The following GREM2 variants were observed in gnomAD, a reference collection of about 807,000 sequenced individuals.
The protein encoded by GREM2 is gremlin 2, DAN family BMP antagonist.
A neutral mutation model predicts 14.2 loss-of-function variants in GREM2; 11 were observed. That is an observed-to-expected ratio of 0.78 (90% CI 0.49 to 1.28). GREM2 has a LOEUF of 1.28. Among genes scored for constraint, GREM2 ranks in the 50% most tolerant of loss-of-function variants. The probability of loss-of-function intolerance (pLI) is 0.00; values close to 1 mark genes in which losing one functional copy is unlikely to be tolerated. For missense variants in GREM2, 210 were observed against 218.5 expected, an observed-to-expected ratio of 0.96 and a Z score of 0.24; for synonymous variants, 98 against 97.6, an observed-to-expected ratio of 1.00 and a Z score of -0.02.
At chr1:240,528,376 T>C (rs755592019) in intron 1 of GREM2, among the ~76,000 whole-genome samples, 1 of 152,162 alleles carries the variant, frequency 6.6e-6, no homozygotes, top group Non-Finnish European at 1.5e-5. Context: ...GGCTCAATAA[T>C]GTTTATTACA....
At chr1:240,527,768 C>T (rs1678256395) in intron 1 of GREM2, among the ~76,000 whole-genome samples, 1 of 152,166 alleles carries the variant, frequency 6.6e-6, no homozygotes, top group African/African-American at 2.4e-5. Context: ...CACACAAAGT[C>T]TCTAATTACT....
In GREM2 at chr1:240,589,918, A is replaced by G. The variant is rs148634295; in HGVS notation, c.-2+21966T>C. Among the ~76,000 whole-genome samples, 3 of 152,176 alleles carry G rather than the reference A, an allele frequency of 2.0e-5. No individual in the cohort carries two copies. The East Asian group carries it at 5.8e-4, about 29-fold the overall frequency. ...GGATGGGTAGAATTTCAACAGGCGG[A>G]TGTTGGAGTGGGGAAGGAGGAGAAA... On this transcript the variant is annotated intron_variant, in intron 1 of 1. Coordinates refer to ENST00000318160, the MANE Select transcript of GREM2 (RefSeq NM_022469.4).
chr1:240,509,755 G>A (rs1200827497), intron 1 of GREM2, among the ~76,000 whole-genome samples: 1 of 152,148 alleles, frequency 6.6e-6, no homozygotes, highest in Non-Finnish European at 1.5e-5. Context: ...CACATTGAAT[G>A]GGAACTTAAG....
intron 1 of GREM2, among the ~76,000 whole-genome samples, chr1:240,525,246 T>A (rs1678195486): frequency 6.6e-6 from 1 of 152,244 alleles, no homozygotes; most frequent in Admixed American, 6.5e-5. Flanking sequence ...TGTGTCTCCA[T>A]GTAGGGGTTG....
chr1:240,504,737 A>G (rs1247391280), intron 1 of GREM2, among the ~76,000 whole-genome samples: 1 of 152,230 alleles, frequency 6.6e-6, no homozygotes, highest in Admixed American at 6.5e-5. Context: ...ATTAAAGGAG[A>G]ATCTAATTAC....
intron 1 of GREM2, chr1:240,550,462 C>T (rs1212875379): frequency 6.6e-6 from 1 of 152,302 alleles, no homozygotes; most frequent in African/African-American, 2.4e-5. Flanking sequence ...TTTTCTCCAA[C>T]AATGCTCAGA....
At chr1:240,533,231 C>T (rs1678403356) in intron 1 of GREM2, among the ~76,000 whole-genome samples, 1 of 152,116 alleles carries the variant, frequency 6.6e-6, no homozygotes, top group Admixed American at 6.5e-5. Flanking sequence ...GGAGGAATAT[C>T]TGAATTGGCC....
chr1:240,567,189 A>G (rs1172787364), intron 1 of GREM2, among the ~76,000 whole-genome samples: 1 of 152,206 alleles, frequency 6.6e-6, no homozygotes, highest in Non-Finnish European at 1.5e-5. Context: ...TACAAAGATC[A>G]TCAGTGAGAT....
chr1:240,513,873 A>C (rs532009151), intron 1 of GREM2, among the ~76,000 whole-genome samples: 23 of 152,184 alleles, frequency 1.5e-4, no homozygotes, highest in Non-Finnish European at 2.8e-4. Flanking sequence ...GAATTACTGG[A>C]ATAATCTACA....
At chr1:240,545,468 A>G (rs1678697368) in intron 1 of GREM2, among the ~76,000 whole-genome samples, 1 of 81,344 alleles carries the variant, frequency 1.2e-5, no homozygotes, top group Admixed American at 1.1e-4. Context: ...TAGCAAAATT[A>G]GTTGACTAAT....
At chr1:240,528,942 T>C (rs942739585) in intron 1 of GREM2, among the ~76,000 whole-genome samples, 1 of 152,084 alleles carries the variant, frequency 6.6e-6, no homozygotes, top group African/African-American at 2.4e-5. Context: ...AGGGCTTTCT[T>C]GAAAGGAGCA....
rs550512043 is a variant in GREM2, at chr1:240,492,401, C to T, written c.*568G>A. 3 of 273,940 alleles carry T rather than the reference C, an allele frequency of 1.1e-5. No individual in the cohort carries two copies. Among genetic ancestry groups the T allele is most frequent in the South Asian group, 3.3e-5 (1 of 30,028 alleles). 17.0% of individuals were successfully genotyped at this position (273,940 alleles called of 1,614,324 possible). On this transcript the variant is annotated 3_prime_UTR_variant, in exon 2 of 2. Transcript: ENST00000318160. ...TCTTGGTATCAGGTTTATTAGGAGA[C>T]GCCCCGTCCACCGACATATTTATGG...
chr1:240,553,459 T>C (rs1678895491), intron 1 of GREM2, among the ~76,000 whole-genome samples: 1 of 152,204 alleles, frequency 6.6e-6, no homozygotes, highest in African/African-American at 2.4e-5. Flanking sequence ...TCATCAATTG[T>C]CAGATGCGTA....
Position 240,521,438 on chromosome 1 carries a change from AG to A in GREM2, c.-1-27963del, listed in dbSNP as rs953123612. Among the ~76,000 whole-genome samples the A allele has an allele frequency of 2.8e-3, 328 of 117,860 alleles. 2 individuals carry two copies. The highest frequency in any genetic ancestry group is 0.014 in the African/African-American group (305 of 22,060). 77.3% of individuals were successfully genotyped at this position (117,860 alleles called of 152,430 possible). A position where few individuals can be genotyped will look rare whatever the true frequency, so the allele number is the denominator to read the frequency against. The stretch of plus-strand genomic sequence containing the variant: ...AAAAAACAATTAGCCGGGCATGGTG[AG>A]GGGCGACTGTAGTCCCAGCTACTCG... On this transcript the variant is annotated intron_variant, in intron 1 of 1. Coordinates refer to ENST00000318160, the MANE Select transcript of GREM2 (RefSeq NM_022469.4).
At chr1:240,574,113 G>C (rs774305704) in intron 1 of GREM2, among the ~76,000 whole-genome samples, 1 of 151,904 alleles carries the variant, frequency 6.6e-6, no homozygotes, top group Non-Finnish European at 1.5e-5. Flanking sequence ...GTAGAGACAG[G>C]GTTTCACCAT....
chr1:240,578,244 G>T (rs1679408752), intron 1 of GREM2, among the ~76,000 whole-genome samples: 1 of 151,996 alleles, frequency 6.6e-6, no homozygotes, highest in Non-Finnish European at 1.5e-5. Flanking sequence ...TCCTGCCTCA[G>T]CCTTCCGAGT....
At chr1:240,528,655 G>A (rs1239998513) in intron 1 of GREM2, among the ~76,000 whole-genome samples, 1 of 152,154 alleles carries the variant, frequency 6.6e-6, no homozygotes, top group Non-Finnish European at 1.5e-5. Context: ...GTGAGTGGCT[G>A]AGACGAATCT....
At chr1:240,501,114 T>C (rs1216726579) in intron 1 of GREM2, among the ~76,000 whole-genome samples, 1 of 152,198 alleles carries the variant, frequency 6.6e-6, no homozygotes, top group Admixed American at 6.5e-5. Flanking sequence ...CAAGCTCAAA[T>C]GCCATGGCTG....
At chr1:240,587,636 A>G (rs568710954) in intron 1 of GREM2, among the ~76,000 whole-genome samples, 52 of 152,146 alleles carry the variant, frequency 3.4e-4, no homozygotes, top group African/African-American at 1.2e-3. Context: ...CACTTTTATG[A>G]GCATTTTTTC....
Sources: allele counts gnomAD v4.1 joint callset (sites outside exome capture counted in the v4.1 genomes callset), GRCh38; gene constraint gnomAD v4.1.1; transcripts MANE v1.5; gene names NCBI Gene and HGNC (gene_info 2026-07-23, HGNC 2026-07-21).